The following MEGF6 variants were observed in gnomAD, a reference collection of about 807,000 sequenced individuals.
The protein encoded by MEGF6 is multiple EGF like domains 6, also known as multiple epidermal growth factor-like domains protein 6.
In MEGF6, 184 loss-of-function variants were observed where a neutral mutation model predicts 207.1. The ratio of observed to expected loss-of-function variants is 0.89; its 90% CI spans 0.79 to 1.00. The LOEUF is 1.00. Among genes scored for constraint, MEGF6 ranks in the 50% least tolerant of loss-of-function variants. The probability of loss-of-function intolerance (pLI) is 0.00; values close to 1 mark genes in which losing one functional copy is unlikely to be tolerated. For synonymous variants in MEGF6, 1,038 were observed against 910.0 expected (o/e 1.14, Z -2.53); for missense variants, 2,282 against 2,202.9 (o/e 1.04, Z -0.72).
intron 17 of MEGF6, among the ~76,000 whole-genome samples, chr1:3,502,971 TCACAGCA>T (rs997261906): frequency 2.4e-4 from 37 of 152,258 alleles, no homozygotes; most frequent in African/African-American, 8.2e-4. Context: ...CACAATGGCA[TCACAGCA>T]GCCCCAAGAA....
intron 4 of MEGF6, among the ~76,000 whole-genome samples, chr1:3,576,194 G>A (rs928523194): frequency 8.5e-5 from 13 of 152,350 alleles, no homozygotes; most frequent in South Asian, 6.2e-4. Context: ...TCCACCCTCC[G>A]GGCAGACAGG....
chr1:3,527,850 C>G (rs1000465786), intron 4 of MEGF6, among the ~76,000 whole-genome samples: 12 of 152,348 alleles, frequency 7.9e-5, no homozygotes, highest in Admixed American at 7.2e-4. Context: ...GACAGGAACG[C>G]TGGGACTCCA....
chr1:3,596,977 A>C (rs1204162916), intron 2 of MEGF6, among the ~76,000 whole-genome samples: 1 of 152,010 alleles, frequency 6.6e-6, no homozygotes, highest in Non-Finnish European at 1.5e-5. Flanking sequence ...TTCCAACTCG[A>C]GCTGCCCCCA....
intron 5 of MEGF6, among the ~76,000 whole-genome samples, chr1:3,519,295 C>G (rs939711958): frequency 6.6e-5 from 10 of 152,254 alleles, no homozygotes; most frequent in Non-Finnish European, 1.3e-4. Flanking sequence ...CAAGTGCTAG[C>G]AGTGCCCTAT....
intron 4 of MEGF6, among the ~76,000 whole-genome samples, chr1:3,555,493 G>A (rs1570127860): frequency 6.6e-6 from 1 of 152,256 alleles, no homozygotes; most frequent in South Asian, 2.1e-4. Flanking sequence ...AGCACTGAGG[G>A]CGCCGTGTTT....
chr1:3,591,284 C>T (rs116070709), intron 3 of MEGF6, among the ~76,000 whole-genome samples: 2,667 of 152,280 alleles, frequency 0.018, 69 homozygotes, highest in African/African-American at 0.051. Context: ...AAGAGATATC[C>T]CAGAACCACC....
At chr1:3,583,218 C>T (rs1220838785) in intron 3 of MEGF6, among the ~76,000 whole-genome samples, 1 of 152,176 alleles carries the variant, frequency 6.6e-6, no homozygotes, top group Non-Finnish European at 1.5e-5. Flanking sequence ...TCCTGGTAGA[C>T]ACCCCCATGC....
chr1:3,509,992 T>A lies in MEGF6; in HGVS notation c.1235A>T (p.Asp412Val). 6.3e-7 allele frequency: 1 copy of A among 1,583,586 alleles called. No individual in the cohort carries two copies. The highest frequency in any genetic ancestry group is 8.5e-7 in the Non-Finnish European group (1 of 1,172,082). Residue 412 changes from aspartate (D) to valine (V), a missense_variant and splice_region_variant, in exon 11 of 37, where the codon GAT becomes GTT. Physicochemically the swap from Asp to Val is radical, Grantham distance 152. Transcript: ENST00000356575. Reference protein sequence around the residue: ...RLSADGCGCEDVDECASSRGG... With the variant: ...RLSADGCGCEVVDECASSRGG... ...ACGGCTGGAGGCGCACTCATCCACA[T>A]CTGCGGGCGACCCGGGACCACTGAG...
intron 3 of MEGF6, among the ~76,000 whole-genome samples, chr1:3,582,243 G>A (rs1332452241): frequency 1.3e-5 from 2 of 152,232 alleles, no homozygotes; most frequent in Admixed American, 1.3e-4. Flanking sequence ...CCCAGGCTGG[G>A]AGGGTACAGC....
chr1:3,549,413 C>T (rs1025522685), intron 4 of MEGF6, among the ~76,000 whole-genome samples: 4 of 152,282 alleles, frequency 2.6e-5, no homozygotes, highest in African/African-American at 7.2e-5. Context: ...AAGCAGGTGA[C>T]GGCTCCTCCC....
chr1:3,503,643 T>C (rs1400272079), intron 17 of MEGF6, among the ~76,000 whole-genome samples: 1 of 152,036 alleles, frequency 6.6e-6, no homozygotes, highest in Admixed American at 6.5e-5. Flanking sequence ...CTGGTGTGTG[T>C]CTGCATGCAC....
At chr1:3,495,130 G>A (rs1478552751) in intron 30 of MEGF6, among the ~76,000 whole-genome samples, 3 of 152,210 alleles carry the variant, frequency 2.0e-5, no homozygotes, top group Admixed American at 6.5e-5. Flanking sequence ...CTGGGCTGCC[G>A]TGGGCTCAGA....
At chr1:3,613,761 G>A (rs1327169961), upstream of MEGF6, among the ~76,000 whole-genome samples, 1 of 152,186 alleles carries the variant, frequency 6.6e-6, no homozygotes, top group Admixed American at 6.5e-5. Flanking sequence ...TCGGCCTCGT[G>A]TATGCATTTC....
rs191900203 is a variant in MEGF6 at position 3,584,135 on chromosome 1, G to A, written c.377-4206C>T. Among the ~76,000 whole-genome samples the A allele has an allele frequency of 9.2e-4, 140 of 152,364 alleles. 2 individuals carry two copies. The highest frequency in any genetic ancestry group is 3.1e-3 in the African/African-American group (127 of 41,588). ...TAGAGGCATCCAGGGTGCCACCGGC[G>A]CAGGACGGCAGGTTTGGGGAGGGCA... is the stretch of plus-strand genomic sequence containing the variant. On this transcript the variant is annotated intron_variant, in intron 3 of 36. Coordinates refer to ENST00000356575, the MANE Select transcript of MEGF6 (RefSeq NM_001409.4).
intron 4 of MEGF6, among the ~76,000 whole-genome samples, chr1:3,525,903 G>C (rs1411968851): frequency 3.9e-5 from 6 of 152,194 alleles, no homozygotes; most frequent in Non-Finnish European, 8.8e-5. Flanking sequence ...GGCAGCGATC[G>C]AGGCAAACAG....
intron 4 of MEGF6, among the ~76,000 whole-genome samples, chr1:3,561,338 C>T (rs2821060): frequency 0.25 from 38,250 of 152,128 alleles, 5,030 homozygotes; most frequent in Non-Finnish European, 0.27. Context: ...CTGGAAGGGC[C>T]GGCAAGTTGG....
the MEGF6 span, among the ~76,000 whole-genome samples, chr1:3,620,354 G>C: frequency 6.8e-4 from 104 of 152,352 alleles, no homozygotes; most frequent in Non-Finnish European, 1.3e-3. Context: ...ATTTCAGAGA[G>C]CTTCACGGCA....
rs562353155 is a variant in MEGF6 at position 3,522,701 on chromosome 1, G to A, written c.604+1423C>T. On this transcript the variant is annotated intron_variant, in intron 5 of 36. Coordinates refer to ENST00000356575, the MANE Select transcript of MEGF6 (RefSeq NM_001409.4). The stretch of plus-strand genomic sequence containing the variant: ...ATGGTGAAACAAAGCCTAGGAGAGT[G>A]AGTGTCCCAAGGCCCCCCCACTCAC... 2.3e-3 allele frequency among the ~76,000 whole-genome samples: 354 copies of A among 152,170 alleles called. 1 individual carries two copies. The highest frequency in any genetic ancestry group is 4.2e-3 in the Non-Finnish European group (287 of 67,966).
At chr1:3,605,440 ACAC>A (rs981277131) in intron 1 of MEGF6, among the ~76,000 whole-genome samples, 3 of 151,870 alleles carry the variant, frequency 2.0e-5, no homozygotes, top group Admixed American at 2.0e-4. Flanking sequence ...TCAAAATCAC[ACAC>A]CCTCATACAC....
Sources: allele counts gnomAD v4.1 joint callset (sites outside exome capture counted in the v4.1 genomes callset), GRCh38; gene constraint gnomAD v4.1.1; transcripts MANE v1.5; gene names NCBI Gene and HGNC (gene_info 2026-07-23, HGNC 2026-07-21).